Variants in ACE observed in about 807,000 individuals in gnomAD.
ACE encodes angiotensin-converting enzyme.
A neutral mutation model predicts 162.3 loss-of-function variants in ACE; 122 were observed. That is an observed-to-expected ratio of 0.75 (90% confidence interval 0.65 to 0.87). ACE has a LOEUF of 0.87. Among genes scored for constraint, ACE ranks in the 40% least tolerant of loss-of-function variants. ACE has a pLI of 0.00. For missense variants in ACE, 1,799 were observed against 1,735.1 expected (o/e 1.04, Z -0.65); for synonymous variants, 796 against 720.6 (o/e 1.10, Z -1.68).
At chr17:63,495,348 G>A (rs1281153307) in intron 22 of ACE, among the ~76,000 whole-genome samples, 1 of 152,174 alleles carries the variant, frequency 6.6e-6, no homozygotes, top group African/African-American at 2.4e-5. Flanking sequence ...GTGCCCCCGG[G>A]CTACAGGTAG....
At chr17:63,482,300 CA>C (rs59148455) in intron 7 of ACE, among the ~76,000 whole-genome samples, 165 bp from the exon 8 acceptor site, 224 of 140,606 alleles carry the variant, frequency 1.6e-3, no homozygotes, top group Admixed American at 1.6e-3. Context: ...GACGCTGTCT[CA>C]AAAAAAAAAA....
chr17:63,484,702 G>C lies in ACE; in HGVS notation c.1921+161G>C, dbSNP rs12720722. On this transcript the variant is annotated intron_variant, in intron 12 of 24. Transcript: ENST00000290866. This position sits in a 1 kb window ranked among gnomAD's most constrained non-coding sequence, Gnocchi z 4.0. ...AGCTCATCAGCAGGGCCTGCGAGTG[G>C]GGACAGGCATGTCTTTCCCCCAGCA... The C allele has an allele frequency of 4.4e-3, 6,352 of 1,449,036 alleles. 34 individuals are homozygous for C. Among genetic ancestry groups the C allele is most frequent in the Middle Eastern group, 0.03 (127 of 4,178 alleles). 89.8% of individuals were successfully genotyped at this position (1,449,036 alleles called of 1,614,324 possible).
chr17:63,494,651 A>G (rs1292846007), intron 22 of ACE, among the ~76,000 whole-genome samples, 181 bp downstream of exon 22: 2 of 152,214 alleles, frequency 1.3e-5, no homozygotes, highest in Non-Finnish European at 2.9e-5. Flanking sequence ...TTTCTTGAAC[A>G]TTCTTTTGAT....
rs781667096 is a variant in ACE at position 63,484,305 on chromosome 17, C to G, written c.1710-25C>G. ...AGACTCCAGCCTGAGTCCCCTGTGCCCATGGTACCCACTCTGCCCACCAGG... is the reference window on the plus strand; with the variant it reads ...AGACTCCAGCCTGAGTCCCCTGTGCGCATGGTACCCACTCTGCCCACCAGG... On this transcript the variant is annotated intron_variant, in intron 11 of 24. Transcript: ENST00000290866. This position sits in a 1 kb window ranked among gnomAD's most constrained non-coding sequence, Gnocchi z 4.0. 6.2e-7 allele frequency: 1 copy of G among 1,602,780 alleles called. No homozygotes were observed. Among genetic ancestry groups the G allele is most frequent in the Non-Finnish European group, 8.5e-7 (1 of 1,176,890 alleles).
intron 6 of ACE, 124 bp downstream of exon 6, chr17:63,481,312 G>A: frequency 2.0e-6 from 2 of 986,432 alleles, no homozygotes; most frequent in Non-Finnish European, 3.1e-6. Context: ...TGTGTCTGTA[G>A]GAGCAGTGAG....
At chr17:63,494,100 G>A (rs369930013) in intron 21 of ACE, 34 bp downstream of exon 21, 213 of 1,612,364 alleles carry the variant, frequency 1.3e-4, no homozygotes, top group Non-Finnish European at 1.7e-4. Context: ...GCGGGCTGGG[G>A]GATCTCTGCG....
intron 24 of ACE, 42 bp from the exon 25 acceptor site, chr17:63,497,092 GCCC>G (rs2030802301): frequency 6.3e-7 from 1 of 1,588,792 alleles, no homozygotes; most frequent in African/African-American, 1.3e-5. Flanking sequence ...CCCTTGCCCT[GCCC>G]TGCCCTGCCC....
chr17:63,477,201 C>A lies in ACE; in HGVS notation c.107C>A (p.Pro36His). ...PALALDPGLQ[P>H]GNFSADEAGA... ...CTGGCGTTGGACCCCGGGCTGCAGC[C>A]CGGCAACTTTTCTGCTGACGAGGCC... Residue 36 changes from proline to histidine, a missense_variant, in exon 1 of 25, where the codon CCC (proline) becomes CAC (histidine). By Grantham distance (77) the Pro-to-His change is moderately conservative. Coordinates refer to ENST00000290866, the MANE Select transcript of ACE (RefSeq NM_000789.4). 6.7e-7 allele frequency: 1 copy of A among 1,488,062 alleles called. No homozygotes were observed. The highest frequency in any genetic ancestry group is 8.9e-7 in the Non-Finnish European group (1 of 1,123,300). The allele number at this position is 1,488,062 out of a possible 1,614,324, so 92.2% of individuals were successfully genotyped here. A position where few individuals can be genotyped will look rare whatever the true frequency, so the allele number is the denominator to read the frequency against.
chr17:63,487,002 T>C lies in ACE; in HGVS notation c.2234T>C (p.Leu745Ser). The change falls in exon 15 of 25, where the codon TTG becomes TCG. Residue 745 changes from leucine (L) to serine (S), a missense_variant. Transcript: ENST00000290866. ...CTCCTGCAGTACAACAAGATCCTGT[T>C]GGATATGGAAACCACCTACAGCGTG... ...QELEEYNKILLDMETTYSVAT... is the reference protein window; with the variant it reads ...QELEEYNKILSDMETTYSVAT... The C allele has an allele frequency of 6.2e-7, 1 of 1,613,832 alleles. No individual in the cohort carries two copies. The highest frequency in any genetic ancestry group is 8.5e-7 in the Non-Finnish European group (1 of 1,179,930).
Position 63,493,435 on chromosome 17 carries a change from G to A in ACE, c.2913-1G>A. 6.2e-7 allele frequency: 1 copy of A among 1,613,970 alleles called. No homozygotes were observed. Among genetic ancestry groups the A allele is most frequent in the Non-Finnish European group, 8.5e-7 (1 of 1,179,970 alleles). ...CCTCTCCCCCACTCCACTATTCCTA[G>A]GATCAAGCAGTGCACCACCGTGAAC... On this transcript the variant is annotated splice_acceptor_variant, in intron 19 of 24. Coordinates refer to ENST00000290866, the MANE Select transcript of ACE (RefSeq NM_000789.4). LOFTEE classifies it high-confidence loss of function.
At chr17:63,489,933 A>T (rs561513297) in intron 17 of ACE, 1 of 152,568 alleles carries the variant, frequency 6.6e-6, no homozygotes, top group Non-Finnish European at 1.5e-5. Context: ...CAGTTCACCA[A>T]CTGGGAGACA....
chr17:63,480,211 C>CCA (rs2049683329), intron 4 of ACE, 126 bp from the exon 5 acceptor site: 2 of 1,099,206 alleles, frequency 1.8e-6, no homozygotes, highest in Non-Finnish European at 2.7e-6. Flanking sequence ...GTGGCAACCC[C>CCA]CAAGCCAATT....
Position 63,491,036 on chromosome 17 carries a change from G to A in ACE, c.2724G>A (p.Glu908=). 6.2e-7 allele frequency: 1 copy of A among 1,614,210 alleles called. No individual in the cohort carries two copies. Among genetic ancestry groups the A allele is most frequent in the South Asian group, 1.1e-5 (1 of 91,088 alleles). Residue 908 remains glutamate, a synonymous_variant, in exon 18 of 25, where the codon GAG becomes GAA. Coordinates refer to ENST00000290866, the MANE Select transcript of ACE (RefSeq NM_000789.4). This position sits in a 1 kb window ranked among gnomAD's most constrained non-coding sequence, Gnocchi z 4.4. ...FPSAPSMDTT[E]AMLKQGWTPR... is the part of the protein sequence containing the mutation. ...CAGCCCCCTCGATGGACACCACAGAGGCTATGCTAAAGCAGGTCCGCACCA... is the reference window on the plus strand; with the variant it reads ...CAGCCCCCTCGATGGACACCACAGAAGCTATGCTAAAGCAGGTCCGCACCA...
In ACE at chr17:63,497,501, C is replaced by G. The variant is rs1202666638; in HGVS notation, c.*135C>G. 3 of 837,766 alleles carry G rather than the reference C, an allele frequency of 3.6e-6. No individual in the cohort carries two copies. The African/African-American group carries it at 5.0e-5, about 14-fold the overall frequency. The allele number at this position is 837,766 out of a possible 1,614,324, so 51.9% of individuals were successfully genotyped here. A position where few individuals can be genotyped will look rare whatever the true frequency, so the allele number is the denominator to read the frequency against. On this transcript the variant is annotated 3_prime_UTR_variant, in exon 25 of 25. Transcript: ENST00000290866. ...CCTGCCCTGTCCCTGTCCCCCTCCC[C>G]TCCCAGTCCTCCAGACCACCAGCCG... is the stretch of plus-strand genomic sequence containing the variant.
intron 13 of ACE, chr17:63,485,632 C>G (rs1212730700): frequency 2.2e-6 from 1 of 444,702 alleles, no homozygotes; most frequent in South Asian, 1.9e-5. Context: ...AAAAATTAGC[C>G]GGGTGTGGTG....
Position 63,482,665 on chromosome 17 carries a change from C to G in ACE, c.1318C>G (p.Leu440Val), listed in dbSNP as rs199697957. The change falls in exon 8 of 25, where the codon CTG becomes GTG. Residue 440 changes from leucine to valine, a missense_variant. Leu to Val is a conservative substitution (Grantham distance 32). Transcript: ENST00000290866. Reference sequence around the variant, plus strand: ...TGAACATCTGCACAAAATCGGCCTGCTGGACCGTGTCACCAATGACACGGG... The same window carrying G: ...TGAACATCTGCACAAAATCGGCCTGGTGGACCGTGTCACCAATGACACGGG... ...TPEHLHKIGL[L>V]DRVTNDTESD... 40 of 1,613,898 alleles carry G rather than the reference C, an allele frequency of 2.5e-5. No individual in the cohort carries two copies. In the East Asian group the frequency reaches 8.0e-4, roughly 32 times the overall value.
intron 9 of ACE, 93 bp from the exon 10 acceptor site, chr17:63,483,367 A>G: frequency 1.4e-6 from 2 of 1,466,070 alleles, no homozygotes; most frequent in South Asian, 1.1e-5. Flanking sequence ...AGGATGGGGA[A>G]GGGTTGCCGG....
At position 63,480,615 on chromosome 17, in the gene ACE, T is replaced by G; in HGVS notation, c.847+87T>G. 7 of 1,469,200 alleles carry G rather than the reference T, an allele frequency of 4.8e-6. No homozygotes were observed. The South Asian group carries it at 8.0e-5, about 17-fold the overall frequency. The allele number at this position is 1,469,200 out of a possible 1,614,324, so 91.0% of individuals were successfully genotyped here. The stretch of plus-strand genomic sequence containing the variant: ...GGGGGATGTCCAGGGTAAGGGAAGG[T>G]GGGTTGTGACCCTCACATCTCACAT... On this transcript the variant is annotated intron_variant, in intron 5 of 24. Coordinates refer to ENST00000290866, the MANE Select transcript of ACE (RefSeq NM_000789.4).
intron 2 of ACE, chr17:63,478,507 A>G (rs1046504031): frequency 1.3e-5 from 4 of 304,424 alleles, no homozygotes; most frequent in Admixed American, 9.4e-5. Context: ...CTCTACAAAA[A>G]AAAAATAGCT....
Sources: gnomAD v4.1 joint callset for allele counts (sites outside exome capture counted in the v4.1 genomes callset) on GRCh38, gnomAD v4.1.1 for gene constraint, Gnocchi (gnomAD v3.1) non-coding constraint, MANE v1.5 for transcripts, NCBI Gene and HGNC (gene_info 2026-07-23, HGNC 2026-07-21) for gene names.